Variants in ARHGEF28 observed in about 807,000 individuals in gnomAD.
ARHGEF28 encodes the protein 190 kDa guanine nucleotide exchange factor.
In ARHGEF28, 152 loss-of-function variants were observed where a neutral mutation model predicts 206.6. The observed-to-expected ratio is 0.74, with a 90% CI of 0.64 to 0.84. ARHGEF28 has a LOEUF of 0.84. Among genes scored for constraint, ARHGEF28 ranks in the 40% least tolerant of loss-of-function variants. The pLI, the probability that ARHGEF28 is intolerant of heterozygous loss-of-function variation, is 0.00. For synonymous variants in ARHGEF28, 763 were observed against 776.4 expected, an observed-to-expected ratio of 0.98 and a Z score of 0.29; for missense variants, 2,028 against 2,073.2, an observed-to-expected ratio of 0.98 and a Z score of 0.42.
intron 4 of ARHGEF28, among the ~76,000 whole-genome samples, chr5:73,767,617 G>A (rs1752969775): frequency 6.6e-6 from 1 of 152,140 alleles, no homozygotes; most frequent in East Asian, 1.9e-4. Context: ...AAGCAGCAAA[G>A]CCTTCAAGAA....
chr5:73,851,717 G>T (rs1758716974), intron 13 of ARHGEF28, among the ~76,000 whole-genome samples: 1 of 152,144 alleles, frequency 6.6e-6, no homozygotes, highest in Non-Finnish European at 1.5e-5. Context: ...CATAAGAATA[G>T]TGAGTTCTGC....
At chr5:73,851,182 G>T (rs1383583246) in intron 13 of ARHGEF28, among the ~76,000 whole-genome samples, 1 of 152,154 alleles carries the variant, frequency 6.6e-6, no homozygotes, top group Admixed American at 6.5e-5. Flanking sequence ...TGAGGTTTGT[G>T]TTGCCATAAA....
At chr5:73,795,243 C>G in intron 8 of ARHGEF28, 88 bp from the exon 9 acceptor site, 1 of 1,200,484 alleles carries the variant, frequency 8.3e-7, no homozygotes, top group South Asian at 1.3e-5. Context: ...TGATGCTTTC[C>G]AAGGTTGTTT....
At chr5:73,733,465 C>A (rs1440110570) in intron 2 of ARHGEF28, among the ~76,000 whole-genome samples, 1 of 152,166 alleles carries the variant, frequency 6.6e-6, no homozygotes, top group African/African-American at 2.4e-5. Context: ...AGATCCAGGG[C>A]TGGCTGACTT....
At chr5:73,677,225 G>A (rs991941496) in intron 1 of ARHGEF28, among the ~76,000 whole-genome samples, 3 of 152,144 alleles carry the variant, frequency 2.0e-5, no homozygotes, top group African/African-American at 7.2e-5. Flanking sequence ...ATTTTTATCT[G>A]TAGATAGCAT....
chr5:73,880,619 TC>T (rs1431775867), intron 22 of ARHGEF28, among the ~76,000 whole-genome samples: 1 of 152,160 alleles, frequency 6.6e-6, no homozygotes, highest in Non-Finnish European at 1.5e-5. Context: ...TCAAACATGT[TC>T]TCCTATTTTT....
At chr5:73,917,195 AG>A (rs1232027108) in intron 35 of ARHGEF28, among the ~76,000 whole-genome samples, 1 of 152,234 alleles carries the variant, frequency 6.6e-6, no homozygotes, top group Non-Finnish European at 1.5e-5. Flanking sequence ...ACAAAGCTGA[AG>A]GGCTGAAGAC....
intron 6 of ARHGEF28, among the ~76,000 whole-genome samples, chr5:73,779,596 T>C (rs1043942165): frequency 3.3e-5 from 5 of 152,140 alleles, no homozygotes; most frequent in African/African-American, 1.2e-4. Context: ...AGTAGACACA[T>C]GGGGCAGGTG....
chr5:73,814,386 CT>C (rs1462006684), intron 9 of ARHGEF28, among the ~76,000 whole-genome samples: 1 of 152,018 alleles, frequency 6.6e-6, no homozygotes, highest in African/African-American at 2.4e-5. Context: ...GCAATCCATT[CT>C]TGTTGTAGTG....
intron 35 of ARHGEF28, among the ~76,000 whole-genome samples, chr5:73,937,613 T>A (rs1284452822): frequency 6.6e-6 from 1 of 152,214 alleles, no homozygotes; most frequent in Non-Finnish European, 1.5e-5. Flanking sequence ...AAATTATGAT[T>A]GTATTGCTAT....
chr5:73,771,986 A>G (rs1276704091), intron 4 of ARHGEF28, among the ~76,000 whole-genome samples: 1 of 152,204 alleles, frequency 6.6e-6, no homozygotes, highest in Non-Finnish European at 1.5e-5. Context: ...TCCATGTCAC[A>G]CAGATGATTG....
chr5:73,651,558 T>C (rs1463105844), intron 1 of ARHGEF28, among the ~76,000 whole-genome samples: 1 of 152,216 alleles, frequency 6.6e-6, no homozygotes, highest in Non-Finnish European at 1.5e-5. Flanking sequence ...TAGGGCCTGG[T>C]GTGTAGAAAA....
At position 73,693,907 on chromosome 5, in the gene ARHGEF28, G is replaced by A. The variant is rs557278669; in HGVS notation, c.33+9023G>A. 3.5e-4 allele frequency among the ~76,000 whole-genome samples: 3 copies of A among 8,566 alleles called. No individual in the cohort carries two copies. In the South Asian group the frequency reaches 0.01, roughly 29 times the overall value. The allele number at this position is 8,566 out of a possible 152,430, so 5.6% of individuals were successfully genotyped here. A position where few individuals can be genotyped will look rare whatever the true frequency, so the allele number is the denominator to read the frequency against. ...TCTGAGGGGGCAAACAAATTCCAAA[G>A]CAGCAGTTCTAGCCATAGAGCAAAG... On this transcript the variant is annotated intron_variant, in intron 2 of 35. Transcript: ENST00000513042.
In ARHGEF28 at chr5:73,895,467, G is replaced by A. The variant is rs75763866; in HGVS notation, c.3841+892G>A. Among the ~76,000 whole-genome samples the A allele has an allele frequency of 8.2e-3, 1,247 of 152,274 alleles. 14 individuals carry two copies. The highest frequency in any genetic ancestry group is 0.028 in the African/African-American group (1,181 of 41,554). ...CTATAGAGGAAAGGCAACAATGAGC[G>A]GTAGTGAGTGGTTGTAACCTGAGGG... On this transcript the variant is annotated intron_variant, in intron 29 of 35. Coordinates refer to ENST00000513042, the MANE Select transcript of ARHGEF28 (RefSeq NM_001177693.2).
intron 3 of ARHGEF28, among the ~76,000 whole-genome samples, chr5:73,751,831 GAC>G (rs1046747642): frequency 1.3e-5 from 2 of 152,110 alleles, no homozygotes; most frequent in African/African-American, 4.8e-5. Context: ...AAATCTGTAA[GAC>G]AGATTTATTT....
At chr5:73,658,726 A>G (rs1028916900) in intron 1 of ARHGEF28, among the ~76,000 whole-genome samples, 2 of 152,198 alleles carry the variant, frequency 1.3e-5, no homozygotes, top group African/African-American at 4.8e-5. Flanking sequence ...GTGTGAGCTC[A>G]TGACAGAGAA....
intron 35 of ARHGEF28, chr5:73,923,079 G>A (rs1355530954): frequency 6.5e-7 from 1 of 1,535,066 alleles, no homozygotes; most frequent in Admixed American, 2.0e-5. Context: ...GCCATATTTT[G>A]CATTCAGGCT....
intron 10 of ARHGEF28, among the ~76,000 whole-genome samples, chr5:73,834,558 G>T (rs576820412): frequency 1.3e-5 from 2 of 151,746 alleles, no homozygotes; most frequent in East Asian, 3.9e-4. Flanking sequence ...GTGTGTGTGT[G>T]TGTGTGTGTG....
intron 9 of ARHGEF28, among the ~76,000 whole-genome samples, chr5:73,809,565 C>T (rs964640323): frequency 6.6e-6 from 1 of 152,120 alleles, no homozygotes; most frequent in African/African-American, 2.4e-5. Context: ...ATTTTGGGTC[C>T]CCCTGGAGGA....
Sources: allele counts gnomAD v4.1 joint callset (sites outside exome capture counted in the v4.1 genomes callset), GRCh38; gene constraint gnomAD v4.1.1; transcripts MANE v1.5; gene names NCBI Gene and HGNC (gene_info 2026-07-23, HGNC 2026-07-21).